ATP2B1: variants seen among roughly 807,000 people sequenced by gnomAD.
The protein encoded by ATP2B1 is plasma membrane calcium-transporting ATPase 1.
In ATP2B1, 14 loss-of-function variants were observed where a neutral mutation model predicts 124.2. That is an observed-to-expected ratio of 0.11 (90% CI 0.07 to 0.18). The LOEUF (loss-of-function observed/expected upper bound fraction) is 0.18, where lower values mean the gene tolerates loss of function less well. ATP2B1 is among the 10% of genes least tolerant of loss of function. ATP2B1 has a pLI of 1.00. For synonymous variants in ATP2B1, 449 were observed against 492.4 expected (o/e 0.91, Z 1.17); for missense variants, 763 against 1,466.1 (o/e 0.52, Z 7.83).
At chr12:89,630,016 A>G (rs900805195) in intron 6 of ATP2B1, among the ~76,000 whole-genome samples, 2 of 152,238 alleles carry the variant, frequency 1.3e-5, no homozygotes, top group Non-Finnish European at 2.9e-5. Context: ...TTTTAAAAAG[A>G]TTTTGATATC....
chr12:89,702,532 C>T (rs1593024047), intron 1 of ATP2B1, among the ~76,000 whole-genome samples: 1 of 152,104 alleles, frequency 6.6e-6, no homozygotes, highest in Non-Finnish European at 1.5e-5. Flanking sequence ...ATAATAGATC[C>T]ACATTGTTAA....
intron 11 of ATP2B1, 124 bp from the exon 12 acceptor site, chr12:89,617,163 A>G (rs1879098097): frequency 1.4e-6 from 1 of 724,346 alleles, no homozygotes; most frequent in African/African-American, 1.8e-5. Context: ...AATTACATAT[A>G]ATTCATTTTT....
chr12:89,612,913 T>C (rs191667165), intron 12 of ATP2B1, among the ~76,000 whole-genome samples: 1 of 152,346 alleles, frequency 6.6e-6, no homozygotes, highest in African/African-American at 2.4e-5. Context: ...AAGTATTTAC[T>C]GAACTGCTGA....
intron 2 of ATP2B1, among the ~76,000 whole-genome samples, chr12:89,643,506 A>G (rs936752771): frequency 6.6e-6 from 1 of 152,130 alleles, no homozygotes; most frequent in African/African-American, 2.4e-5. Context: ...GAATGTACCT[A>G]TTGTCACTTA....
intron 1 of ATP2B1, among the ~76,000 whole-genome samples, chr12:89,691,019 G>C (rs1250636325): frequency 6.6e-6 from 1 of 152,026 alleles, no homozygotes; most frequent in East Asian, 1.9e-4. Context: ...AAGGAAAAAC[G>C]ATCTAGTTTT....
chr12:89,651,574 T>C (rs946392062), intron 2 of ATP2B1, among the ~76,000 whole-genome samples: 11 of 152,222 alleles, frequency 7.2e-5, no homozygotes, highest in Admixed American at 6.5e-4. Flanking sequence ...GGCCAGGGTA[T>C]GTTTTTTAAA....
At chr12:89,675,499 T>G (rs11105364) in intron 1 of ATP2B1, among the ~76,000 whole-genome samples, 22,904 of 152,204 alleles carry the variant, frequency 0.15, 2,092 homozygotes, top group South Asian at 0.36. Context: ...TATGTCTTAC[T>G]GCTATATTAG....
intron 10 of ATP2B1, among the ~76,000 whole-genome samples, chr12:89,620,518 T>C (rs1056583400): frequency 2.6e-5 from 4 of 152,142 alleles, no homozygotes; most frequent in Non-Finnish European, 5.9e-5. Flanking sequence ...TAGGAGCACT[T>C]ATGACCCCAA....
intron 15 of ATP2B1, among the ~76,000 whole-genome samples, chr12:89,605,479 G>A (rs1456223013): frequency 6.6e-6 from 1 of 152,078 alleles, no homozygotes; most frequent in Non-Finnish European, 1.5e-5. Context: ...GTGTTCTCTT[G>A]CCCTTCTCCC....
intron 2 of ATP2B1, 67 bp from the exon 3 acceptor site, chr12:89,642,422 T>C: frequency 1.4e-6 from 2 of 1,393,758 alleles, no homozygotes; most frequent in South Asian, 1.3e-5. Flanking sequence ...ATAGTTTTAT[T>C]CAAAATACCT....
intron 1 of ATP2B1, among the ~76,000 whole-genome samples, chr12:89,658,530 G>T (rs1565882378): frequency 6.9e-6 from 1 of 145,364 alleles, no homozygotes; most frequent in East Asian, 2.1e-4. Flanking sequence ...TAATAAAACT[G>T]TTTTTTTTTA....
At chr12:89,690,391 G>A (rs1592987324) in intron 1 of ATP2B1, among the ~76,000 whole-genome samples, 1 of 149,776 alleles carries the variant, frequency 6.7e-6, no homozygotes, top group African/African-American at 2.5e-5. Context: ...TTAATAAAGT[G>A]GGTAGCTCAC....
At chr12:89,696,472 T>C (rs964124098) in intron 1 of ATP2B1, among the ~76,000 whole-genome samples, 1 of 150,174 alleles carries the variant, frequency 6.7e-6, no homozygotes, top group Non-Finnish European at 1.5e-5. Flanking sequence ...ATTAAAATGT[T>C]GTTAATGAAA....
At chr12:89,661,946 T>C (rs1336994653) in intron 1 of ATP2B1, among the ~76,000 whole-genome samples, 1 of 152,184 alleles carries the variant, frequency 6.6e-6, no homozygotes, top group Admixed American at 6.5e-5. Flanking sequence ...ATATCAGCAG[T>C]GATTCTCAAT....
chr12:89,624,860 C>T (rs957668212), intron 8 of ATP2B1, among the ~76,000 whole-genome samples: 5 of 152,180 alleles, frequency 3.3e-5, no homozygotes, highest in Admixed American at 6.5e-5. Flanking sequence ...AATTATATAA[C>T]ACAAAGTATT....
chr12:89,658,488 A>G lies in ATP2B1; in HGVS notation c.-221-2381T>C, dbSNP rs916621312. 4.6e-5 allele frequency among the ~76,000 whole-genome samples: 7 copies of G among 152,188 alleles called. 1 individual carries two copies. Among genetic ancestry groups the G allele is most frequent in the African/African-American group, 1.7e-4 (7 of 41,454 alleles). On this transcript the variant is annotated intron_variant, in intron 1 of 20. Transcript: ENST00000428670. ...AATACTAGAGCGTTGTTGTCACACA[A>G]AAACCAAGTCATCCATTCCAGCTTT...
intron 20 of ATP2B1, chr12:89,594,694 C>T (rs1034016588): frequency 3.3e-5 from 5 of 151,410 alleles, no homozygotes; most frequent in African/African-American, 1.2e-4. Flanking sequence ...AAATGATTAT[C>T]AAGGTAAACA....
chr12:89,644,534 GAA>G (rs747390995), intron 2 of ATP2B1, among the ~76,000 whole-genome samples: 2 of 127,476 alleles, frequency 1.6e-5, no homozygotes, highest in African/African-American at 2.9e-5. Flanking sequence ...TTTCTCAGTT[GAA>G]AAAAAAAAAG....
At position 89,591,141 on chromosome 12, in the gene ATP2B1, T is replaced by C. The variant is rs778746156; in HGVS notation, c.3506A>G (p.Asp1169Gly). The C allele has an allele frequency of 3.1e-6, 5 of 1,613,196 alleles. No homozygotes were observed. In the Admixed American group the frequency reaches 5.0e-5, roughly 16 times the overall value. ...GGAGTTACGTTTTGTAGGAGCATCA[T>C]CTTCGGCATCAGTGTCATCAATAAG... ...IPLIDDTDAE[D>G]DAPTKRNSSP... The change falls in exon 21 of 21, where the codon GAT becomes GGT. Residue 1169 changes from aspartate to glycine, a missense_variant. This residue lies in a region of ATP2B1 where 97 missense variants were observed against 94.7 expected (regional missense o/e 1.02). Coordinates refer to ENST00000428670, the MANE Select transcript of ATP2B1 (RefSeq NM_001366521.1).
Sources: gnomAD v4.1 joint callset for allele counts (sites outside exome capture counted in the v4.1 genomes callset) on GRCh38, gnomAD v4.1.1 for gene constraint, gnomAD v4.1.1 regional missense constraint, MANE v1.5 for transcripts, NCBI Gene and HGNC (gene_info 2026-07-23, HGNC 2026-07-21) for gene names.